The following RAPGEF3 variants were observed in gnomAD, a reference collection of about 807,000 sequenced individuals.
The protein encoded by RAPGEF3 is Rap guanine nucleotide exchange factor 3, also known as 9330170P05Rik.
Under a neutral mutation model 129.8 loss-of-function variants are expected in RAPGEF3, and 103 were observed. That is an observed-to-expected ratio of 0.79 (90% CI 0.68 to 0.93). RAPGEF3 has a LOEUF of 0.93. Ranked by LOEUF, RAPGEF3 falls within the 40% of genes least tolerant of loss-of-function variation. The probability of loss-of-function intolerance (pLI) is 0.00; values close to 1 mark genes in which losing one functional copy is unlikely to be tolerated. For synonymous variants in RAPGEF3, 436 were observed against 482.6 expected (o/e 0.90, Z 1.26); for missense variants, 1,117 against 1,207.4 (o/e 0.93, Z 1.11).
chr12:47,744,292 C>T (rs963256264), intron 16 of RAPGEF3: 15 of 571,974 alleles, frequency 2.6e-5, no homozygotes, highest in African/African-American at 2.4e-4. Flanking sequence ...AATCCATGCC[C>T]CTCCGTGTGT....
chr12:47,747,997 C>T (rs999885951), intron 13 of RAPGEF3, 77 bp downstream of exon 13: 15 of 1,555,834 alleles, frequency 9.6e-6, no homozygotes, highest in Middle Eastern at 1.8e-4. Context: ...AGCACAGCCA[C>T]GCTGGTGAGA....
In RAPGEF3 at chr12:47,758,845, G is replaced by A. The variant is rs753548529; in HGVS notation, c.-289C>T. The A allele has an allele frequency of 5.4e-5, 65 of 1,201,556 alleles. No individual in the cohort carries two copies. The highest frequency in any genetic ancestry group is 6.4e-5 in the Non-Finnish European group (62 of 965,868). 74.4% of individuals were successfully genotyped at this position (1,201,556 alleles called of 1,614,324 possible). On this transcript the variant is annotated 5_prime_UTR_variant, in exon 1 of 28. Coordinates refer to ENST00000449771, the MANE Select transcript of RAPGEF3 (RefSeq NM_001098531.4). ...CTGCGCCTTCGTCTCAGACGAAGGA[G>A]CCAGCTGGCACCGGGCGCTGAAGCA...
At chr12:47,741,637 A>C in intron 18 of RAPGEF3, 35 bp from the exon 19 acceptor site, 20 of 816,014 alleles carry the variant, frequency 2.5e-5, no homozygotes, top group Non-Finnish European at 3.7e-5. Flanking sequence ...GGGTGGGGGA[A>C]GGGAGGGAGG....
chr12:47,743,942 A>T (rs1314599580), intron 17 of RAPGEF3, 45 bp downstream of exon 17: 2 of 1,525,614 alleles, frequency 1.3e-6, no homozygotes, highest in Non-Finnish European at 1.8e-6. Flanking sequence ...CAGAGACAGC[A>T]GGGTGCAGAT....
chr12:47,752,060 C>A, intron 2 of RAPGEF3, 91 bp from the exon 3 acceptor site: 1 of 1,407,660 alleles, frequency 7.1e-7, no homozygotes, highest in Non-Finnish European at 9.9e-7. Context: ...CCCACTCTTG[C>A]CTAGGCCCCA....
intron 17 of RAPGEF3, 31 bp downstream of exon 17, chr12:47,743,956 G>C (rs375099967): frequency 2.6e-6 from 4 of 1,545,350 alleles, no homozygotes; most frequent in African/African-American, 2.7e-5. Flanking sequence ...TGCAGATGTC[G>C]GGCTGTGCCC....
chr12:47,758,069 G>T lies in RAPGEF3; in HGVS notation c.16C>A (p.Pro6Thr). The T allele has an allele frequency of 6.4e-7, 1 of 1,564,986 alleles. No individual in the cohort carries two copies. Among genetic ancestry groups the T allele is most frequent in the South Asian group, 1.2e-5 (1 of 85,144 alleles). Residue 6 changes from proline (P) to threonine (T), a missense_variant, in exon 2 of 28, where the codon CCA becomes ACA. Transcript: ENST00000449771. The part of the protein sequence containing the change: MKVGW[P>T]GESCWQVGLA... ...CCCACCTGCCAGCAGCTCTCACCTGGCCAGCCCACCTGTGACACGGGGAGG... is the reference window on the plus strand; with the variant it reads ...CCCACCTGCCAGCAGCTCTCACCTGTCCAGCCCACCTGTGACACGGGGAGG...
At position 47,751,896 on chromosome 12, in the gene RAPGEF3, C is replaced by T; in HGVS notation, c.273+20G>A. On this transcript the variant is annotated intron_variant, in intron 3 of 27. Coordinates refer to ENST00000449771, the MANE Select transcript of RAPGEF3 (RefSeq NM_001098531.4). Reference sequence around the variant, plus strand: ...CTCATGGTGCTGCCTGTCCCAGCTCCACCCTGCCCAGGCTTCTACCTGCTC... The same window carrying T: ...CTCATGGTGCTGCCTGTCCCAGCTCTACCCTGCCCAGGCTTCTACCTGCTC... 1 of 1,614,128 alleles carries T rather than the reference C, an allele frequency of 6.2e-7. No homozygotes were observed. Among genetic ancestry groups the T allele is most frequent in the Non-Finnish European group, 8.5e-7 (1 of 1,179,966 alleles).
In RAPGEF3 at chr12:47,751,704, C is replaced by T. The variant is rs889231488; in HGVS notation, c.380+19G>A. ...AAAGCAGTGAGGCTGGGCAAGGAGG[C>T]AGCAGGGCCTCCACTCACCGATAGA... On this transcript the variant is annotated intron_variant, in intron 4 of 27. Transcript: ENST00000449771. 2 of 1,610,532 alleles carry T rather than the reference C, an allele frequency of 1.2e-6. No individual in the cohort carries two copies. Among genetic ancestry groups the T allele is most frequent in the Non-Finnish European group, 1.7e-6 (2 of 1,178,940 alleles).
chr12:47,739,110 G>A (rs779875222), intron 24 of RAPGEF3, 33 bp downstream of exon 24: 14 of 1,486,072 alleles, frequency 9.4e-6, no homozygotes, highest in African/African-American at 5.6e-5. Context: ...AGGAAGGGGG[G>A]AATGGAGGGA....
Position 47,749,909 on chromosome 12 carries a change from C to T in RAPGEF3, c.817+21G>A, listed in dbSNP as rs1316834853. On this transcript the variant is annotated intron_variant, in intron 8 of 27. Coordinates refer to ENST00000449771, the MANE Select transcript of RAPGEF3 (RefSeq NM_001098531.4). The surrounding 1 kb of genome is among the most constrained non-coding windows in gnomAD (Gnocchi z 4.5). ...CATGTCCAGGCCCTGTGCCTGGCTTCTTATGCCCTGCTGGACTTACACACG... is the reference window on the plus strand; with the variant it reads ...CATGTCCAGGCCCTGTGCCTGGCTTTTTATGCCCTGCTGGACTTACACACG... The T allele has an allele frequency of 1.9e-6, 3 of 1,614,112 alleles. No homozygotes were observed. The highest frequency in any genetic ancestry group is 1.3e-5 in the African/African-American group (1 of 74,954).
Position 47,748,171 on chromosome 12 carries a change from G to A in RAPGEF3, c.1244-19C>T. The A allele has an allele frequency of 1.3e-6, 2 of 1,547,606 alleles. No homozygotes were observed. The highest frequency in any genetic ancestry group is 8.8e-7 in the Non-Finnish European group (1 of 1,140,750). Reference sequence around the variant, plus strand: ...AATGTCTCTGTATGACAGGGTGAGGGGATGGGAGGAGGCTTCAGAGGCCAA... The same window carrying A: ...AATGTCTCTGTATGACAGGGTGAGGAGATGGGAGGAGGCTTCAGAGGCCAA... On this transcript the variant is annotated intron_variant, in intron 12 of 27. Coordinates refer to ENST00000449771, the MANE Select transcript of RAPGEF3 (RefSeq NM_001098531.4).
Position 47,735,948 on chromosome 12 carries a change from G to C in RAPGEF3, c.*1619C>G, listed in dbSNP as rs73302673. On this transcript the variant is annotated 3_prime_UTR_variant, in exon 28 of 28. Transcript: ENST00000449771. The stretch of plus-strand genomic sequence containing the variant: ...CCACCCACGGCAAGGGAACTGGTTT[G>C]GTTACCACTGCCATCTGCTGCACCT... The C allele has an allele frequency of 0.03, 4,553 of 152,610 alleles. 217 individuals are homozygous for C. The highest frequency in any genetic ancestry group is 0.1 in the African/African-American group (4,280 of 41,554). The allele number at this position is 152,610 out of a possible 1,614,324, so 9.5% of individuals were successfully genotyped here.
intron 18 of RAPGEF3, chr12:47,741,901 G>T: frequency 9.4e-6 from 4 of 425,842 alleles, no homozygotes; most frequent in Non-Finnish European, 1.7e-5. Flanking sequence ...AATAAGACTT[G>T]CCCCAACTAT....
chr12:47,747,442 G>A, intron 15 of RAPGEF3, 102 bp downstream of exon 15: 1 of 1,193,308 alleles, frequency 8.4e-7, no homozygotes, highest in South Asian at 1.3e-5. Flanking sequence ...AAGTGGTGCA[G>A]CCTGGATCTG....
At chr12:47,751,021 T>A (rs1241600578) in intron 6 of RAPGEF3, 27 bp downstream of exon 6, 1 of 1,588,182 alleles carries the variant, frequency 6.3e-7, no homozygotes, top group East Asian at 2.3e-5. Context: ...AGGCCTGGGG[T>A]CACGGGGTGC....
rs184237144 is a variant in RAPGEF3 at position 47,744,164 on chromosome 12, G to A, written c.1597-96C>T. The A allele has an allele frequency of 1.6e-4, 172 of 1,042,778 alleles. No homozygotes were observed. The African/African-American group carries it at 2.4e-3, about 14-fold the overall frequency. The allele number at this position is 1,042,778 out of a possible 1,614,324, so 64.6% of individuals were successfully genotyped here. ...AGGTCCCTGTGTCACCAGGAGCACG[G>A]GCGCCACACAGCATTCACACCACCA... On this transcript the variant is annotated intron_variant, in intron 16 of 27. Coordinates refer to ENST00000449771, the MANE Select transcript of RAPGEF3 (RefSeq NM_001098531.4).
chr12:47,743,958 G>A (rs200077747), intron 17 of RAPGEF3, 29 bp downstream of exon 17: 3 of 1,545,666 alleles, frequency 1.9e-6, no homozygotes, highest in Admixed American at 3.3e-5. Flanking sequence ...CAGATGTCGG[G>A]CTGTGCCCAG....
Position 47,739,720 on chromosome 12 carries a change from A to G in RAPGEF3, c.2373+421T>C, listed in dbSNP as rs187598337. 2.7e-3 allele frequency: 967 copies of G among 362,470 alleles called. 3 individuals are homozygous for G. The highest frequency in any genetic ancestry group is 3.9e-3 in the Non-Finnish European group (748 of 191,284). The allele number at this position is 362,470 out of a possible 1,614,324, so 22.5% of individuals were successfully genotyped here. On this transcript the variant is annotated intron_variant, in intron 23 of 27. Coordinates refer to ENST00000449771, the MANE Select transcript of RAPGEF3 (RefSeq NM_001098531.4). ...CCCCAACTCTATCCTCGCCTCTTCT[A>G]CTGGTCTAGCCCGCAAGCCCCTCGG...
Sources: gnomAD v4.1 joint callset for allele counts on GRCh38, gnomAD v4.1.1 for gene constraint, Gnocchi (gnomAD v3.1) non-coding constraint, MANE v1.5 for transcripts, NCBI Gene and HGNC (gene_info 2026-07-23, HGNC 2026-07-21) for gene names.